CAMK1D: variants seen among roughly 807,000 people sequenced by gnomAD.
CAMK1D encodes the protein calcium/calmodulin dependent protein kinase ID.
A neutral mutation model predicts 47.7 loss-of-function variants in CAMK1D; 9 were observed. The ratio of observed to expected loss-of-function variants is 0.19; its 90% CI spans 0.11 to 0.33. The LOEUF (loss-of-function observed/expected upper bound fraction) is 0.33. Ranked by LOEUF, CAMK1D falls within the 10% of genes least tolerant of loss-of-function variation. CAMK1D has a pLI of 1.00. For missense variants in CAMK1D, 291 were observed against 488.7 expected (o/e 0.60, Z 3.81); for synonymous variants, 184 against 184.9 (o/e 0.99, Z 0.04).
chr10:12,796,505 C>T (rs528358452), intron 6 of CAMK1D, among the ~76,000 whole-genome samples: 11 of 152,186 alleles, frequency 7.2e-5, no homozygotes, highest in Middle Eastern at 3.2e-3. Flanking sequence ...AGATGAGCCT[C>T]GCCAAGGCAG....
chr10:12,407,734 G>T (rs1051447893), intron 1 of CAMK1D, among the ~76,000 whole-genome samples: 1 of 152,088 alleles, frequency 6.6e-6, no homozygotes, highest in Admixed American at 6.6e-5. Flanking sequence ...ATCCAAATAG[G>T]TGATTTGCTT....
At chr10:12,684,628 G>T (rs1013743344) in intron 3 of CAMK1D, among the ~76,000 whole-genome samples, 1 of 152,198 alleles carries the variant, frequency 6.6e-6, no homozygotes, top group Non-Finnish European at 1.5e-5. Flanking sequence ...TCACATCACA[G>T]TATGAATTGA....
intron 1 of CAMK1D, 142 bp downstream of exon 1, chr10:12,350,052 AG>A (rs1475861468): frequency 9.2e-6 from 3 of 324,600 alleles, no homozygotes; most frequent in Non-Finnish European, 1.7e-5. Flanking sequence ...GGCGCTGCGG[AG>A]CCCCCCCGAG....
At chr10:12,750,663 A>G (rs1001168129) in intron 3 of CAMK1D, among the ~76,000 whole-genome samples, 2 of 152,178 alleles carry the variant, frequency 1.3e-5, no homozygotes, top group Non-Finnish European at 2.9e-5. Context: ...GGATGGGGAA[A>G]GTCAAGAATG....
chr10:12,420,060 C>T (rs1048053136), intron 1 of CAMK1D, among the ~76,000 whole-genome samples: 1 of 151,964 alleles, frequency 6.6e-6, no homozygotes. Context: ...CCCGGGTTCA[C>T]GCCATTCTCC....
At chr10:12,651,545 C>T (rs1469534745) in intron 2 of CAMK1D, among the ~76,000 whole-genome samples, 1 of 152,010 alleles carries the variant, frequency 6.6e-6, no homozygotes, top group African/African-American at 2.4e-5. Context: ...GCACGTGCCA[C>T]CACACCCAGC....
intron 3 of CAMK1D, among the ~76,000 whole-genome samples, chr10:12,731,082 T>C (rs1834861784): frequency 6.6e-6 from 1 of 152,200 alleles, no homozygotes; most frequent in Non-Finnish European, 1.5e-5. Flanking sequence ...TTCGTTTTAA[T>C]GAGAAAAAGT....
At chr10:12,461,209 G>A (rs1316645868) in intron 1 of CAMK1D, among the ~76,000 whole-genome samples, 3 of 152,182 alleles carry the variant, frequency 2.0e-5, no homozygotes, top group Non-Finnish European at 2.9e-5. Context: ...ACTCAAGGAT[G>A]TAGAAAGGCA....
chr10:12,413,336 C>G (rs1839729644), intron 1 of CAMK1D, among the ~76,000 whole-genome samples: 1 of 152,174 alleles, frequency 6.6e-6, no homozygotes. Context: ...GATCCGCTCC[C>G]ATGACCCAGA....
intron 3 of CAMK1D, among the ~76,000 whole-genome samples, chr10:12,672,437 C>T (rs990189681): frequency 1.4e-4 from 22 of 151,750 alleles, no homozygotes; most frequent in South Asian, 6.3e-4. Context: ...GGTGCAATCT[C>T]GGCTCACTGC....
At position 12,349,770 on chromosome 10, in the gene CAMK1D, C is replaced by G; in HGVS notation, c.-49C>G. 2 of 963,282 alleles carry G rather than the reference C, an allele frequency of 2.1e-6. No homozygotes were observed. Among genetic ancestry groups the G allele is most frequent in the Non-Finnish European group, 2.6e-6 (2 of 761,502 alleles). The allele number at this position is 963,282 out of a possible 1,614,324, so 59.7% of individuals were successfully genotyped here. A position where few individuals can be genotyped will look rare whatever the true frequency, so the allele number is the denominator to read the frequency against. ...GCGCCCGCGCCGCGCCCCCGGCGCC[C>G]CCTCCCCAGCGCGCCCCCGGCCGCT... On this transcript the variant is annotated 5_prime_UTR_variant, in exon 1 of 11. Transcript: ENST00000619168.
chr10:12,731,994 A>G (rs1047194013), intron 3 of CAMK1D, among the ~76,000 whole-genome samples: 2 of 152,220 alleles, frequency 1.3e-5, no homozygotes, highest in Non-Finnish European at 1.5e-5. Flanking sequence ...ATGTAATCCC[A>G]GCACTTTGGG....
chr10:12,596,611 C>T (rs779177442), intron 2 of CAMK1D, among the ~76,000 whole-genome samples: 1 of 152,136 alleles, frequency 6.6e-6, no homozygotes, highest in Non-Finnish European at 1.5e-5. Flanking sequence ...CCATCTGAAA[C>T]CTGTAGATGA....
In CAMK1D at chr10:12,769,806, A is replaced by G; in HGVS notation, c.565+7A>G. ...GGAACTCCAGGCTATGTCGGTAAGGACAGTGCATGTGCACACATGTGCCCG... is the reference window on the plus strand; with the variant it reads ...GGAACTCCAGGCTATGTCGGTAAGGGCAGTGCATGTGCACACATGTGCCCG... On this transcript the variant is annotated splice_region_variant and intron_variant, in intron 5 of 10. Coordinates refer to ENST00000619168, the MANE Select transcript of CAMK1D (RefSeq NM_153498.4). The G allele has an allele frequency of 6.2e-7, 1 of 1,614,026 alleles. No homozygotes were observed. The highest frequency in any genetic ancestry group is 1.1e-5 in the South Asian group (1 of 91,074).
At chr10:12,567,193 C>G (rs1837151956) in intron 2 of CAMK1D, among the ~76,000 whole-genome samples, 1 of 152,342 alleles carries the variant, frequency 6.6e-6, no homozygotes, top group South Asian at 2.1e-4. Flanking sequence ...AAATGCTACT[C>G]TGGTGTGAGG....
At chr10:12,811,975 A>G (rs1832624886) in intron 6 of CAMK1D, among the ~76,000 whole-genome samples, 1 of 152,102 alleles carries the variant, frequency 6.6e-6, no homozygotes, top group African/African-American at 2.4e-5. Flanking sequence ...TAAAAATGAA[A>G]TTTTCCAGGC....
intron 3 of CAMK1D, among the ~76,000 whole-genome samples, chr10:12,668,664 A>G (rs773597730): frequency 1.2e-4 from 18 of 152,198 alleles, no homozygotes; most frequent in Non-Finnish European, 2.4e-4. Context: ...TTTCATCACT[A>G]TGCCTCTACA....
intron 5 of CAMK1D, among the ~76,000 whole-genome samples, chr10:12,788,789 C>T (rs1317112294): frequency 6.6e-6 from 1 of 152,232 alleles, no homozygotes; most frequent in African/African-American, 2.4e-5. Flanking sequence ...GCCCGGCCAG[C>T]CAAGGGCGGC....
chr10:12,353,865 T>C (rs1837419857), intron 1 of CAMK1D, among the ~76,000 whole-genome samples: 1 of 152,262 alleles, frequency 6.6e-6, no homozygotes, highest in South Asian at 2.1e-4. Context: ...TTTCTGTTGG[T>C]GTATTTGCCA....
Sources: gnomAD v4.1 joint callset for allele counts (sites outside exome capture counted in the v4.1 genomes callset) on GRCh38, gnomAD v4.1.1 for gene constraint, MANE v1.5 for transcripts, NCBI Gene and HGNC (gene_info 2026-07-23, HGNC 2026-07-21) for gene names.